GULP1: variants seen among roughly 807,000 people sequenced by gnomAD.
The protein encoded by GULP1 is PTB domain-containing engulfment adapter protein 1.
Under a neutral mutation model 40.9 loss-of-function variants are expected in GULP1, and 19 were observed. The observed-to-expected ratio is 0.46, with a 90% CI of 0.32 to 0.68. GULP1 has a LOEUF of 0.68. Ranked by LOEUF, GULP1 falls within the 30% of genes least tolerant of loss-of-function variation. The pLI, the probability that GULP1 is intolerant of heterozygous loss-of-function variation, is 0.03. For synonymous variants in GULP1, 119 were observed against 117.6 expected (o/e 1.01, Z -0.08); for missense variants, 312 against 362.2 (o/e 0.86, Z 1.12).
intron 5 of GULP1, among the ~76,000 whole-genome samples, chr2:188,527,093 CTTTG>C (rs1016210516): frequency 2.0e-5 from 3 of 152,282 alleles, no homozygotes; most frequent in East Asian, 3.9e-4. Flanking sequence ...TACCTCTCCA[CTTTG>C]TTTTTCTACC....
intron 9 of GULP1, among the ~76,000 whole-genome samples, chr2:188,579,485 G>C (rs542761976): frequency 6.6e-6 from 1 of 152,082 alleles, no homozygotes; most frequent in African/African-American, 2.4e-5. Context: ...GATCGAGTCA[G>C]GGTAATTGCA....
chr2:188,446,576 G>T (rs2058402621), intron 2 of GULP1, among the ~76,000 whole-genome samples: 1 of 152,086 alleles, frequency 6.6e-6, no homozygotes, highest in Admixed American at 6.6e-5. Context: ...CTGCTATTCT[G>T]ACTGGATTTA....
At chr2:188,588,048 T>C in intron 11 of GULP1, 99 bp downstream of exon 11, 1 of 759,542 alleles carries the variant, frequency 1.3e-6, no homozygotes, top group Non-Finnish European at 2.4e-6. Flanking sequence ...CTTCAATTAT[T>C]TTCGCTATAA....
chr2:188,502,943 G>C (rs1419374203), intron 4 of GULP1, among the ~76,000 whole-genome samples: 1 of 151,902 alleles, frequency 6.6e-6, no homozygotes, highest in South Asian at 2.1e-4. Context: ...CAGGAGGGAA[G>C]AGTGCTGTGT....
At chr2:188,570,285 C>T (rs368740275) in intron 9 of GULP1, among the ~76,000 whole-genome samples, 165 bp downstream of exon 9, 1 of 152,114 alleles carries the variant, frequency 6.6e-6, no homozygotes, top group African/African-American at 2.4e-5. Flanking sequence ...CTTAAAATTA[C>T]CTAGTCAGTT....
intron 1 of GULP1, among the ~76,000 whole-genome samples, chr2:188,375,625 A>AGG (rs1385114832): frequency 6.6e-6 from 1 of 152,216 alleles, no homozygotes; most frequent in Non-Finnish European, 1.5e-5. Flanking sequence ...TACAGCTTTT[A>AGG]GGAGTAACAG....
intron 9 of GULP1, among the ~76,000 whole-genome samples, chr2:188,576,815 T>G (rs1700262256): frequency 6.6e-6 from 1 of 152,118 alleles, no homozygotes; most frequent in Non-Finnish European, 1.5e-5. Context: ...TTTGCTGTGT[T>G]TCAGTGGTTT....
At chr2:188,310,076 T>A (rs75478959) in intron 1 of GULP1, among the ~76,000 whole-genome samples, 1 of 152,316 alleles carries the variant, frequency 6.6e-6, no homozygotes, top group African/African-American at 2.4e-5. Flanking sequence ...GAATATGGGT[T>A]ATTAATTTCT....
chr2:188,345,869 A>G (rs1559134218), intron 1 of GULP1, among the ~76,000 whole-genome samples: 1 of 152,184 alleles, frequency 6.6e-6, no homozygotes, highest in South Asian at 2.1e-4. Context: ...TACTTATTAA[A>G]CAATAACCCC....
At chr2:188,551,663 A>G (rs1693476665) in intron 7 of GULP1, among the ~76,000 whole-genome samples, 1 of 151,746 alleles carries the variant, frequency 6.6e-6, no homozygotes, top group Admixed American at 6.6e-5. Flanking sequence ...TGATATATTG[A>G]TTTCTTTTCA....
intron 2 of GULP1, among the ~76,000 whole-genome samples, chr2:188,402,945 T>G (rs931544816): frequency 6.6e-6 from 1 of 152,140 alleles, no homozygotes; most frequent in Non-Finnish European, 1.5e-5. Context: ...AAAGGGAAAG[T>G]AAATTTACCT....
chr2:188,551,658 T>C (rs1021743705), intron 7 of GULP1, among the ~76,000 whole-genome samples: 3 of 151,850 alleles, frequency 2.0e-5, no homozygotes, highest in South Asian at 2.1e-4. Context: ...CCCTTTGATA[T>C]ATTGATTTCT....
chr2:188,420,512 A>G (rs557145343), intron 2 of GULP1, among the ~76,000 whole-genome samples: 2 of 152,326 alleles, frequency 1.3e-5, no homozygotes, highest in African/African-American at 4.8e-5. Flanking sequence ...GGAGCATTAC[A>G]GCTCTTTCAC....
chr2:188,324,325 C>T (rs2151964401), intron 1 of GULP1, among the ~76,000 whole-genome samples: 1 of 152,182 alleles, frequency 6.6e-6, no homozygotes, highest in South Asian at 2.1e-4. Flanking sequence ...GCCCCTGAAT[C>T]ATTTTCCAGG....
At chr2:188,308,653 T>C (rs2037545763) in intron 1 of GULP1, among the ~76,000 whole-genome samples, 1 of 152,164 alleles carries the variant, frequency 6.6e-6, no homozygotes, top group Non-Finnish European at 1.5e-5. Context: ...GATGAGTTAT[T>C]AAAGACTTAC....
At chr2:188,572,359 A>G (rs1699231459) in intron 9 of GULP1, among the ~76,000 whole-genome samples, 1 of 152,224 alleles carries the variant, frequency 6.6e-6, no homozygotes, top group African/African-American at 2.4e-5. Flanking sequence ...TCCTGAGGTT[A>G]CATCATTTAA....
At chr2:188,560,827 T>C (rs1382146819) in intron 7 of GULP1, among the ~76,000 whole-genome samples, 1 of 152,100 alleles carries the variant, frequency 6.6e-6, no homozygotes, top group Non-Finnish European at 1.5e-5. Context: ...TGCTCCATAC[T>C]TTTAAGTGAC....
rs528004814 is a variant in GULP1, at chr2:188,490,771, T to C, written c.90+7279T>C. 2.0e-5 allele frequency among the ~76,000 whole-genome samples: 3 copies of C among 152,234 alleles called. No individual in the cohort carries two copies. The South Asian group carries it at 6.2e-4, about 32-fold the overall frequency. ...AACATATTTATCATTTATTTCATAT[T>C]TCTGCATCGATGTGTTTGGCCCTAG... On this transcript the variant is annotated intron_variant, in intron 4 of 11. Coordinates refer to ENST00000409830, the MANE Select transcript of GULP1 (RefSeq NM_016315.4).
chr2:188,440,065 G>A (rs2057776580), intron 2 of GULP1, among the ~76,000 whole-genome samples: 9 of 152,060 alleles, frequency 5.9e-5, no homozygotes, highest in Admixed American at 5.2e-4. Flanking sequence ...AAAAAGAGCT[G>A]GTTTATTACA....
Sources: allele counts gnomAD v4.1 joint callset (sites outside exome capture counted in the v4.1 genomes callset), GRCh38; gene constraint gnomAD v4.1.1; transcripts MANE v1.5; gene names NCBI Gene and HGNC (gene_info 2026-07-23, HGNC 2026-07-21).